The following AUTS2 variants were observed in gnomAD, a reference collection of about 807,000 sequenced individuals.
The protein encoded by AUTS2 is activator of transcription and developmental regulator AUTS2, also known as autism susceptibility gene 2 protein.
In AUTS2, 17 loss-of-function variants were observed where a neutral mutation model predicts 112.4. That is an observed-to-expected ratio of 0.15 (90% CI 0.10 to 0.23). The LOEUF is 0.23. Ranked by LOEUF, AUTS2 falls within the 10% of genes least tolerant of loss-of-function variation. The pLI is 1.00. For missense variants in AUTS2, 1,510 were observed against 1,701.6 expected (o/e 0.89, Z 1.98); for synonymous variants, 751 against 702.7 (o/e 1.07, Z -1.09).
chr7:70,763,191 A>G lies in AUTS2; in HGVS notation c.1064A>G (p.Gln355Arg), dbSNP rs760554401. 6.2e-7 allele frequency: 1 copy of G among 1,614,008 alleles called. No individual in the cohort carries two copies. Among genetic ancestry groups the G allele is most frequent in the Non-Finnish European group, 8.5e-7 (1 of 1,179,950 alleles). Reference protein sequence around the residue: ...PPEAQLQPAPQPQVQRPPRPQ... With the variant: ...PPEAQLQPAPRPQVQRPPRPQ... ...GAGGCCCAGCTCCAGCCTGCCCCGC[A>G]GCCTCAGGTGCAGAGGCCACCCAGG... The change falls in exon 7 of 19, where the codon CAG (glutamine) becomes CGG (arginine). Residue 355 changes from glutamine (Q) to arginine (R), a missense_variant. Coordinates refer to ENST00000342771, the MANE Select transcript of AUTS2 (RefSeq NM_015570.4).
intron 1 of AUTS2, among the ~76,000 whole-genome samples, chr7:69,894,723 CCTAT>C (rs944356488): frequency 2.0e-5 from 3 of 151,996 alleles, no homozygotes; most frequent in African/African-American, 7.3e-5. Context: ...TTTCTTTTCT[CCTAT>C]CTCTTTTGTT....
At chr7:69,976,421 C>T (rs758493813) in intron 2 of AUTS2, among the ~76,000 whole-genome samples, 7 of 152,104 alleles carry the variant, frequency 4.6e-5, no homozygotes, top group Non-Finnish European at 1.0e-4. Context: ...GAGTTGCTTC[C>T]ACCTCTTGGC....
At chr7:69,750,905 C>A (rs1787711720) in intron 1 of AUTS2, among the ~76,000 whole-genome samples, 2 of 152,070 alleles carry the variant, frequency 1.3e-5, no homozygotes, top group South Asian at 4.2e-4. Context: ...AGACCTAGAA[C>A]TTGTTCCTTT....
chr7:70,466,844 C>G (rs914533404), intron 5 of AUTS2, among the ~76,000 whole-genome samples: 2 of 152,080 alleles, frequency 1.3e-5, no homozygotes, highest in African/African-American at 2.4e-5. Context: ...GTCATTTAAA[C>G]GGTAACTTTG....
intron 1 of AUTS2, among the ~76,000 whole-genome samples, chr7:69,740,102 A>T (rs1787199737): frequency 6.6e-6 from 1 of 152,190 alleles, no homozygotes; most frequent in Admixed American, 6.5e-5. Flanking sequence ...CAGAGACATG[A>T]CTAGCTGCCT....
intron 4 of AUTS2, among the ~76,000 whole-genome samples, chr7:70,366,301 G>C (rs1046099122): frequency 2.0e-5 from 3 of 151,938 alleles, no homozygotes; most frequent in Non-Finnish European, 4.4e-5. Flanking sequence ...ATTGACAAGA[G>C]AACACAAAGA....
At chr7:70,745,623 C>CGTATA (rs1788403974) in intron 6 of AUTS2, among the ~76,000 whole-genome samples, 1 of 152,178 alleles carries the variant, frequency 6.6e-6, no homozygotes, top group African/African-American at 2.4e-5. Context: ...AGACCACAGG[C>CGTATA]GTATACCTGG....
At chr7:70,158,434 C>T (rs1465936356) in intron 4 of AUTS2, among the ~76,000 whole-genome samples, 2 of 152,090 alleles carry the variant, frequency 1.3e-5, no homozygotes, top group Admixed American at 6.6e-5. Context: ...ACAAAGTCAA[C>T]GAGTCAATGT....
intron 7 of AUTS2, 97 bp from the exon 8 acceptor site, chr7:70,764,655 G>T (rs1789797494): frequency 1.5e-6 from 1 of 663,550 alleles, no homozygotes; most frequent in African/African-American, 1.8e-5. Context: ...AGAGACTGTG[G>T]TGAGGGTTTA....
rs1398389954 is a variant in AUTS2, at chr7:69,948,773, C to CATTCATTT, written c.522+49278_522+49279insCATTTATT. ...AAAAGGAAAAGCCAAAATTTTCTTT[C>CATTCATTT]ATTTATTTATTTATTTATTTATTTA... is the stretch of plus-strand genomic sequence containing the variant. On this transcript the variant is annotated intron_variant, in intron 2 of 18. Coordinates refer to ENST00000342771, the MANE Select transcript of AUTS2 (RefSeq NM_015570.4). 6.1e-5 allele frequency among the ~76,000 whole-genome samples: 9 copies of CATTCATTT among 147,130 alleles called. No individual in the cohort carries two copies. The East Asian group carries it at 1.0e-3, about 16-fold the overall frequency.
In AUTS2 at chr7:69,938,272, C is replaced by G. The variant is rs896241813; in HGVS notation, c.522+38774C>G. Among the ~76,000 whole-genome samples the G allele has an allele frequency of 5.9e-5, 9 of 152,184 alleles. 1 individual carries two copies. The highest frequency in any genetic ancestry group is 2.2e-4 in the African/African-American group (9 of 41,448). On this transcript the variant is annotated intron_variant, in intron 2 of 18. Transcript: ENST00000342771. ...TTCCAGGTGCTGTCTCCTTCTGCAG[C>G]TTCCCGTAGGCCTCTTCCCACTGCT...
intron 5 of AUTS2, among the ~76,000 whole-genome samples, chr7:70,544,945 G>T (rs1181084647): frequency 6.6e-6 from 1 of 152,286 alleles, no homozygotes; most frequent in South Asian, 2.1e-4. Context: ...TGGGACCTAT[G>T]TACTTGGTGA....
intron 4 of AUTS2, among the ~76,000 whole-genome samples, chr7:70,225,791 C>G (rs1811734049): frequency 6.6e-6 from 1 of 152,108 alleles, no homozygotes; most frequent in South Asian, 2.1e-4. Context: ...TCTTTTTTCT[C>G]AAGTTAGTAC....
chr7:69,659,300 G>A (rs1291938448), intron 1 of AUTS2, among the ~76,000 whole-genome samples: 1 of 152,158 alleles, frequency 6.6e-6, no homozygotes, highest in Non-Finnish European at 1.5e-5. Context: ...AAGGGTCTAA[G>A]CTTTCCTAGG....
chr7:69,613,504 C>T (rs985927536), intron 1 of AUTS2, among the ~76,000 whole-genome samples: 1 of 152,166 alleles, frequency 6.6e-6, no homozygotes, highest in African/African-American at 2.4e-5. Context: ...TTGTCAAAGG[C>T]AAGGATTCAG....
chr7:69,673,287 G>C (rs934692029), intron 1 of AUTS2, among the ~76,000 whole-genome samples: 3 of 152,148 alleles, frequency 2.0e-5, no homozygotes, highest in African/African-American at 7.2e-5. Context: ...CCTGTTCCTG[G>C]TACTTTTAGT....
chr7:70,538,364 C>T (rs551374741), intron 5 of AUTS2, among the ~76,000 whole-genome samples: 3 of 152,092 alleles, frequency 2.0e-5, no homozygotes, highest in Admixed American at 6.6e-5. Flanking sequence ...CCCGTCTCTA[C>T]TAAAAATACA....
At chr7:70,638,296 T>C (rs111495688) in intron 5 of AUTS2, among the ~76,000 whole-genome samples, 8 of 152,266 alleles carry the variant, frequency 5.3e-5, no homozygotes, top group African/African-American at 1.7e-4. Flanking sequence ...TTCCCATGAC[T>C]TCCCGAACAG....
intron 4 of AUTS2, among the ~76,000 whole-genome samples, chr7:70,259,388 T>C (rs1787049536): frequency 6.6e-6 from 1 of 152,162 alleles, no homozygotes; most frequent in Non-Finnish European, 1.5e-5. Context: ...CATTGATATG[T>C]TCCACCTCAT....
Sources: gnomAD v4.1 joint callset for allele counts (sites outside exome capture counted in the v4.1 genomes callset) on GRCh38, gnomAD v4.1.1 for gene constraint, MANE v1.5 for transcripts, NCBI Gene and HGNC (gene_info 2026-07-23, HGNC 2026-07-21) for gene names.